The following KLHL29 variants were observed in gnomAD, a reference collection of about 807,000 sequenced individuals.
KLHL29 encodes kelch-like protein 29.
In KLHL29, 21 loss-of-function variants were observed where a neutral mutation model predicts 80.4. The observed-to-expected ratio is 0.26, with a 90% CI of 0.19 to 0.38. The LOEUF (loss-of-function observed/expected upper bound fraction) is 0.38. Among genes scored for constraint, KLHL29 ranks in the 10% least tolerant of loss-of-function variants. KLHL29 has a pLI of 1.00. For synonymous variants in KLHL29, 511 were observed against 526.8 expected, an observed-to-expected ratio of 0.97 and a Z score of 0.41; for missense variants, 867 against 1,223.9, an observed-to-expected ratio of 0.71 and a Z score of 4.35.
At chr2:23,656,691 A>G (rs1289634214) in intron 5 of KLHL29, among the ~76,000 whole-genome samples, 1 of 152,166 alleles carries the variant, frequency 6.6e-6, no homozygotes, top group Non-Finnish European at 1.5e-5. Flanking sequence ...GCCCCTGGGC[A>G]CCAATATAGA....
At chr2:23,542,284 A>G (rs1223195971) in intron 2 of KLHL29, among the ~76,000 whole-genome samples, 3 of 152,216 alleles carry the variant, frequency 2.0e-5, no homozygotes, top group Non-Finnish European at 4.4e-5. Flanking sequence ...AGGCATTTAG[A>G]GGACTTACTT....
chr2:23,395,983 C>T (rs1414208863), intron 1 of KLHL29, among the ~76,000 whole-genome samples: 1 of 152,204 alleles, frequency 6.6e-6, no homozygotes, highest in Non-Finnish European at 1.5e-5. Context: ...AAACCTGATT[C>T]TTCACCGCAG....
At chr2:23,539,638 C>G (rs1404531599) in intron 2 of KLHL29, among the ~76,000 whole-genome samples, 1 of 151,844 alleles carries the variant, frequency 6.6e-6, no homozygotes, top group African/African-American at 2.4e-5. Context: ...GATGGGGTCT[C>G]ACTATGTTGC....
intron 2 of KLHL29, among the ~76,000 whole-genome samples, chr2:23,530,651 G>A (rs998045296): frequency 6.6e-6 from 1 of 152,198 alleles, no homozygotes; most frequent in Admixed American, 6.5e-5. Flanking sequence ...GCAGTAAGTA[G>A]CAAGTTGGAA....
chr2:23,646,166 T>G lies in KLHL29; in HGVS notation c.940+3316T>G, dbSNP rs72851315. On this transcript the variant is annotated intron_variant, in intron 5 of 13. Coordinates refer to ENST00000486442, the MANE Select transcript of KLHL29 (RefSeq NM_052920.2). ...ATCCTGTTATGAAGTACCTAAGACA[T>G]TTGTCTCGTTGTTGGATTGGAACCA... is the stretch of plus-strand genomic sequence containing the variant. 6.4e-3 allele frequency among the ~76,000 whole-genome samples: 974 copies of G among 152,140 alleles called. 11 individuals carry two copies. Among genetic ancestry groups the G allele is most frequent in the African/African-American group, 0.022 (906 of 41,478 alleles).
chr2:23,453,246 G>A (rs1186666973), intron 1 of KLHL29, among the ~76,000 whole-genome samples: 1 of 152,170 alleles, frequency 6.6e-6, no homozygotes, highest in Admixed American at 6.5e-5. Flanking sequence ...TAAACAGCTG[G>A]TTGATGTAAC....
intron 2 of KLHL29, among the ~76,000 whole-genome samples, chr2:23,515,634 C>T (rs1288621476): frequency 6.6e-6 from 1 of 152,220 alleles, no homozygotes; most frequent in Non-Finnish European, 1.5e-5. Context: ...ATCCCCCATG[C>T]CCAGCACAAT....
chr2:23,565,312 C>T (rs1334010969), intron 3 of KLHL29, among the ~76,000 whole-genome samples: 1 of 152,200 alleles, frequency 6.6e-6, no homozygotes, highest in African/African-American at 2.4e-5. Context: ...GATCCACCCA[C>T]CTTGGCATCC....
chr2:23,618,609 G>A (rs888822853), intron 3 of KLHL29, among the ~76,000 whole-genome samples: 2 of 152,184 alleles, frequency 1.3e-5, no homozygotes, highest in African/African-American at 4.8e-5. Context: ...AACTATACCA[G>A]TTCCCGCTCC....
intron 6 of KLHL29, among the ~76,000 whole-genome samples, chr2:23,687,836 G>A (rs140696136): frequency 6.6e-6 from 1 of 152,326 alleles, no homozygotes; most frequent in Non-Finnish European, 1.5e-5. Context: ...GACGCGGCTG[G>A]AGGGAGGCTA....
chr2:23,668,293 AC>A (rs1670609310), intron 5 of KLHL29: 1 of 152,194 alleles, frequency 6.6e-6, no homozygotes, highest in African/African-American at 2.4e-5. Context: ...CTTACCTGAA[AC>A]CTACCTGAGG....
chr2:23,565,222 A>G (rs1176768341), intron 3 of KLHL29, among the ~76,000 whole-genome samples: 4 of 152,062 alleles, frequency 2.6e-5, no homozygotes, highest in Non-Finnish European at 5.9e-5. Context: ...AAAGGTGTTC[A>G]TGTCCTTTTT....
At chr2:23,475,010 A>T (rs532055213) in intron 1 of KLHL29, among the ~76,000 whole-genome samples, 169 of 136,704 alleles carry the variant, frequency 1.2e-3, no homozygotes, top group Non-Finnish European at 1.9e-3. Context: ...TCTATAATTT[A>T]AAAAAAAAAA....
chr2:23,451,927 G>T (rs1042605668), intron 1 of KLHL29, among the ~76,000 whole-genome samples: 1 of 152,170 alleles, frequency 6.6e-6, no homozygotes, highest in African/African-American at 2.4e-5. Flanking sequence ...GAGGCCTCAG[G>T]ATGCTTCTAA....
chr2:23,512,855 C>T (rs1665814553), intron 2 of KLHL29, among the ~76,000 whole-genome samples: 1 of 152,260 alleles, frequency 6.6e-6, no homozygotes, highest in South Asian at 2.1e-4. Context: ...CTGGAGATTG[C>T]AGGCACTAAC....
intron 3 of KLHL29, among the ~76,000 whole-genome samples, chr2:23,599,255 C>T (rs926114409): frequency 8.5e-5 from 13 of 152,266 alleles, no homozygotes; most frequent in African/African-American, 2.9e-4. Context: ...TCTTAGCATG[C>T]CCTGGTCCCT....
chr2:23,691,965 C>CTG, intron 7 of KLHL29, 89 bp downstream of exon 7: 1 of 1,318,602 alleles, frequency 7.6e-7, no homozygotes, highest in Non-Finnish European at 1.0e-6. Context: ...GCGGGGAGGT[C>CTG]TGTGTGTGCA....
chr2:23,701,877 C>T (rs181392735), intron 11 of KLHL29, among the ~76,000 whole-genome samples: 158 of 150,626 alleles, frequency 1.0e-3, no homozygotes, highest in African/African-American at 3.6e-3. Flanking sequence ...CTTGGCTCAC[C>T]GCAGCCTCTG....
chr2:23,558,231 C>T (rs983270295), intron 2 of KLHL29, among the ~76,000 whole-genome samples: 1 of 152,146 alleles, frequency 6.6e-6, no homozygotes, highest in Non-Finnish European at 1.5e-5. Flanking sequence ...TAGGATCCAA[C>T]CCTAGGGATG....
Sources: gnomAD v4.1 joint callset for allele counts (sites outside exome capture counted in the v4.1 genomes callset) on GRCh38, gnomAD v4.1.1 for gene constraint, MANE v1.5 for transcripts, NCBI Gene and HGNC (gene_info 2026-07-23, HGNC 2026-07-21) for gene names.